The following SSBP2 variants were observed in gnomAD, a reference collection of about 807,000 sequenced individuals.
SSBP2 encodes single-stranded DNA-binding protein 2.
Under a neutral mutation model 61.8 loss-of-function variants are expected in SSBP2, and 17 were observed. The observed-to-expected ratio is 0.28, with a 90% CI of 0.19 to 0.41. The LOEUF (loss-of-function observed/expected upper bound fraction) is 0.41. Ranked by LOEUF, SSBP2 falls within the 10% of genes least tolerant of loss-of-function variation. The probability of loss-of-function intolerance (pLI) is 1.00; values close to 1 mark genes in which losing one functional copy is unlikely to be tolerated. For synonymous variants in SSBP2, 139 were observed against 141.3 expected (o/e 0.98, Z 0.12); for missense variants, 310 against 458.7 (o/e 0.68, Z 2.96).
chr5:81,500,254 C>T (rs989529580), intron 5 of SSBP2, among the ~76,000 whole-genome samples: 4 of 151,964 alleles, frequency 2.6e-5, no homozygotes, highest in African/African-American at 9.7e-5. Flanking sequence ...TGCTTTGTTG[C>T]CCAGGCTGGA....
chr5:81,589,123 G>C (rs549673727), intron 4 of SSBP2, among the ~76,000 whole-genome samples: 1 of 152,158 alleles, frequency 6.6e-6, no homozygotes, highest in Non-Finnish European at 1.5e-5. Context: ...ACTTTCCAAC[G>C]TACTTACTAG....
At chr5:81,538,241 G>A (rs948607456) in intron 4 of SSBP2, among the ~76,000 whole-genome samples, 2 of 152,176 alleles carry the variant, frequency 1.3e-5, no homozygotes, top group African/African-American at 4.8e-5. Flanking sequence ...ATTTAGTGAT[G>A]TGGATAGAAG....
chr5:81,513,447 T>C (rs1437807223), intron 5 of SSBP2, among the ~76,000 whole-genome samples, 181 bp downstream of exon 5: 1 of 152,108 alleles, frequency 6.6e-6, no homozygotes, highest in Non-Finnish European at 1.5e-5. Context: ...CATAATCTAA[T>C]AACAAATAAA....
intron 4 of SSBP2, among the ~76,000 whole-genome samples, chr5:81,547,638 TTTG>T (rs1199386277): frequency 6.6e-6 from 1 of 152,114 alleles, no homozygotes; most frequent in African/African-American, 2.4e-5. Flanking sequence ...AGCTAATTTT[TTTG>T]TTTTTATTTT....
chr5:81,594,586 T>TC, intron 4 of SSBP2, among the ~76,000 whole-genome samples: 1 of 152,336 alleles, frequency 6.6e-6, no homozygotes, highest in African/African-American at 2.4e-5. Context: ...GACCACATAG[T>TC]TGGAAGTAAA....
intron 5 of SSBP2, among the ~76,000 whole-genome samples, chr5:81,490,119 T>C (rs1766742458): frequency 1.3e-5 from 2 of 152,078 alleles, no homozygotes; most frequent in Non-Finnish European, 2.9e-5. Context: ...CGTATATTTT[T>C]AACAAAAGAA....
chr5:81,442,556 T>G, intron 13 of SSBP2, 97 bp downstream of exon 13: 1 of 683,168 alleles, frequency 1.5e-6, no homozygotes, highest in Non-Finnish European at 2.5e-6. Context: ...TCCTGGATAA[T>G]AAAATATAAA....
chr5:81,723,687 C>T (rs1341943305), intron 1 of SSBP2, among the ~76,000 whole-genome samples: 1 of 152,028 alleles, frequency 6.6e-6, no homozygotes, highest in Non-Finnish European at 1.5e-5. Context: ...TCATTACTTA[C>T]ACAAGTATCA....
At chr5:81,464,899 T>G (rs1023695031) in intron 9 of SSBP2, among the ~76,000 whole-genome samples, 1 of 152,078 alleles carries the variant, frequency 6.6e-6, no homozygotes, top group Non-Finnish European at 1.5e-5. Context: ...TAATACATTA[T>G]AAAGTGAATT....
At chr5:81,749,755 A>C (rs2154032507) in intron 1 of SSBP2, among the ~76,000 whole-genome samples, 1 of 152,240 alleles carries the variant, frequency 6.6e-6, no homozygotes, top group South Asian at 2.1e-4. Context: ...TTACAAGTAC[A>C]CAAGAATAGC....
intron 4 of SSBP2, among the ~76,000 whole-genome samples, chr5:81,600,864 A>G (rs1744297431): frequency 6.6e-6 from 1 of 152,186 alleles, no homozygotes; most frequent in Non-Finnish European, 1.5e-5. Flanking sequence ...CAGAAAGGCA[A>G]TTCTTTCCTT....
intron 4 of SSBP2, among the ~76,000 whole-genome samples, chr5:81,525,316 G>A (rs1332298687): frequency 6.6e-6 from 1 of 151,690 alleles, no homozygotes; most frequent in Non-Finnish European, 1.5e-5. Context: ...TATTTTTTCT[G>A]ATCATCTCCC....
intron 3 of SSBP2, among the ~76,000 whole-genome samples, chr5:81,628,895 T>C (rs1398793935): frequency 6.6e-6 from 1 of 152,194 alleles, no homozygotes; most frequent in Non-Finnish European, 1.5e-5. Context: ...ATGTCATATG[T>C]ATCTCTTTTT....
At chr5:81,459,201 C>T (rs1007285428) in intron 10 of SSBP2, among the ~76,000 whole-genome samples, 12 of 152,160 alleles carry the variant, frequency 7.9e-5, no homozygotes, top group Non-Finnish European at 1.5e-4. Context: ...CCCACAGTGC[C>T]CAGCGCTATG....
At chr5:81,600,876 A>G (rs1744297958) in intron 4 of SSBP2, among the ~76,000 whole-genome samples, 1 of 152,202 alleles carries the variant, frequency 6.6e-6, no homozygotes, top group South Asian at 2.1e-4. Flanking sequence ...TCTTTCCTTT[A>G]GAAATGCCTT....
intron 1 of SSBP2, among the ~76,000 whole-genome samples, chr5:81,747,256 A>G (rs1167353480): frequency 6.6e-6 from 1 of 152,160 alleles, no homozygotes; most frequent in African/African-American, 2.4e-5. Flanking sequence ...AATCTGGTAC[A>G]CTGAAAAATG....
At chr5:81,634,347 C>G (rs1561633412) in intron 3 of SSBP2, among the ~76,000 whole-genome samples, 1 of 152,140 alleles carries the variant, frequency 6.6e-6, no homozygotes, top group Non-Finnish European at 1.5e-5. Context: ...CTGGAAGCCC[C>G]TGCTTTGAGT....
chr5:81,500,008 T>C (rs1183919396), intron 5 of SSBP2, among the ~76,000 whole-genome samples: 2 of 152,226 alleles, frequency 1.3e-5, no homozygotes, highest in African/African-American at 4.8e-5. Context: ...CATGCAGAGA[T>C]AACAGCATTT....
At chr5:81,438,126 G>A (rs1359815222) in intron 14 of SSBP2, among the ~76,000 whole-genome samples, 2 of 152,058 alleles carry the variant, frequency 1.3e-5, no homozygotes, top group Non-Finnish European at 2.9e-5. Flanking sequence ...AAGGTGGGTG[G>A]ATCATTTGAG....
Sources: allele counts gnomAD v4.1 joint callset (sites outside exome capture counted in the v4.1 genomes callset), GRCh38; gene constraint gnomAD v4.1.1; transcripts MANE v1.5; gene names NCBI Gene and HGNC (gene_info 2026-07-23, HGNC 2026-07-21).